ATG10: variants seen among roughly 807,000 people sequenced by gnomAD.
ATG10 encodes the protein autophagy related 10, also known as ubiquitin-like-conjugating enzyme ATG10.
ATG10 carries 30 observed loss-of-function variants against 32.1 expected under a neutral mutation model. The observed-to-expected ratio is 0.94, with a 90% CI of 0.70 to 1.27. The LOEUF (loss-of-function observed/expected upper bound fraction) is 1.27. ATG10 is among the 50% of genes most tolerant of loss of function. The probability of loss-of-function intolerance (pLI) is 0.00; values close to 1 mark genes in which losing one functional copy is unlikely to be tolerated. For synonymous variants in ATG10, 87 were observed against 91.5 expected (o/e 0.95, Z 0.28); for missense variants, 233 against 262.3 (o/e 0.89, Z 0.77).
chr5:82,132,840 A>G (rs1160088985), intron 3 of ATG10, among the ~76,000 whole-genome samples: 1 of 152,062 alleles, frequency 6.6e-6, no homozygotes, highest in Non-Finnish European at 1.5e-5. Flanking sequence ...GGTTTAACTA[A>G]TTTACACTCC....
intron 2 of ATG10, among the ~76,000 whole-genome samples, chr5:82,012,416 G>A (rs982414621): frequency 2.6e-5 from 4 of 151,966 alleles, no homozygotes; most frequent in African/African-American, 7.3e-5. Flanking sequence ...TAGTTATTTG[G>A]TACTTTCTTT....
At chr5:81,974,829 C>G (rs1039653176) in intron 1 of ATG10, among the ~76,000 whole-genome samples, 2 of 152,212 alleles carry the variant, frequency 1.3e-5, no homozygotes, top group Non-Finnish European at 2.9e-5. Flanking sequence ...TCCCCAGATT[C>G]TCAATATCCC....
chr5:82,079,712 T>G (rs1239550300), intron 3 of ATG10, among the ~76,000 whole-genome samples: 1 of 152,206 alleles, frequency 6.6e-6, no homozygotes, highest in Non-Finnish European at 1.5e-5. Flanking sequence ...TTTTTATGGC[T>G]GCATAGTAAT....
At chr5:82,020,316 G>A (rs1762401423) in intron 2 of ATG10, among the ~76,000 whole-genome samples, 2 of 152,312 alleles carry the variant, frequency 1.3e-5, no homozygotes, top group South Asian at 4.1e-4. Flanking sequence ...AATTGATTTT[G>A]AGACAAGTCT....
chr5:81,974,031 G>C (rs1239967219), intron 1 of ATG10, among the ~76,000 whole-genome samples: 2 of 152,174 alleles, frequency 1.3e-5, no homozygotes, highest in Non-Finnish European at 2.9e-5. Flanking sequence ...GTCGACAGTA[G>C]TTCCTGATGC....
intron 5 of ATG10, among the ~76,000 whole-genome samples, chr5:82,216,208 C>G (rs1745673340): frequency 6.6e-6 from 1 of 152,104 alleles, no homozygotes; most frequent in African/African-American, 2.4e-5. Context: ...AGATATGTCC[C>G]CACTGCTTAT....
intron 5 of ATG10, among the ~76,000 whole-genome samples, chr5:82,190,840 G>T (rs1256665030): frequency 7.1e-6 from 1 of 139,882 alleles, no homozygotes; most frequent in African/African-American, 2.6e-5. Flanking sequence ...GGTCGTAATT[G>T]TTTTAACCAA....
At chr5:82,061,894 G>A (rs964847670) in intron 3 of ATG10, among the ~76,000 whole-genome samples, 11 of 131,196 alleles carry the variant, frequency 8.4e-5, no homozygotes, top group African/African-American at 2.9e-4. Context: ...GGCACAGTCA[G>A]TCATAGCTCA....
In ATG10 at chr5:82,098,491, A is replaced by G. The variant is rs1385938372; in HGVS notation, c.216+39889A>G. Among the ~76,000 whole-genome samples, 5 of 151,694 alleles carry G rather than the reference A, an allele frequency of 3.3e-5. No homozygotes were observed. In the East Asian group the frequency reaches 7.8e-4, roughly 24 times the overall value. ...ACGCCCTGCTAATTTTTGTTTTTTTAGTAGAGATGCGGTTTCACCATCTTG... is the reference window on the plus strand; with the variant it reads ...ACGCCCTGCTAATTTTTGTTTTTTTGGTAGAGATGCGGTTTCACCATCTTG... On this transcript the variant is annotated intron_variant, in intron 3 of 7. Coordinates refer to ENST00000282185, the MANE Select transcript of ATG10 (RefSeq NM_031482.5).
At chr5:82,101,389 G>A (rs1341635185) in intron 3 of ATG10, among the ~76,000 whole-genome samples, 1 of 152,088 alleles carries the variant, frequency 6.6e-6, no homozygotes, top group Non-Finnish European at 1.5e-5. Flanking sequence ...TTTAAAGAAG[G>A]CTTTCCAGAA....
intron 4 of ATG10, among the ~76,000 whole-genome samples, chr5:82,177,349 T>C (rs143695782): frequency 2.6e-4 from 39 of 152,314 alleles, no homozygotes; most frequent in Middle Eastern, 3.4e-3. Context: ...TTTCTACTTA[T>C]ACTTGAAAGT....
chr5:82,214,205 A>G (rs1745592574), intron 5 of ATG10, among the ~76,000 whole-genome samples: 1 of 152,214 alleles, frequency 6.6e-6, no homozygotes, highest in Non-Finnish European at 1.5e-5. Context: ...ATAATCACAA[A>G]TATTTAAATA....
chr5:81,986,569 C>T (rs1761280816), intron 1 of ATG10, among the ~76,000 whole-genome samples: 1 of 151,838 alleles, frequency 6.6e-6, no homozygotes, highest in African/African-American at 2.4e-5. Context: ...ATAGATTATA[C>T]TGAATTTGAA....
chr5:82,010,025 C>T, intron 2 of ATG10: 1 of 1,610,136 alleles, frequency 6.2e-7, no homozygotes, highest in Non-Finnish European at 8.5e-7. Flanking sequence ...CAGCTAACAG[C>T]TCAAAGGAGA....
chr5:82,241,331 T>C (rs1746794185), intron 5 of ATG10, among the ~76,000 whole-genome samples: 1 of 152,242 alleles, frequency 6.6e-6, no homozygotes, highest in African/African-American at 2.4e-5. Context: ...AACTGCTCTT[T>C]CTGCTTTCCC....
At chr5:82,085,628 T>TA (rs1257353067) in intron 3 of ATG10, among the ~76,000 whole-genome samples, 1 of 151,160 alleles carries the variant, frequency 6.6e-6, no homozygotes, top group Non-Finnish European at 1.5e-5. Context: ...CCCTAGAACT[T>TA]AAAGTATAAC....
intron 3 of ATG10, among the ~76,000 whole-genome samples, chr5:82,128,404 A>G (rs1766370208): frequency 6.6e-6 from 1 of 151,946 alleles, no homozygotes; most frequent in Admixed American, 6.6e-5. Context: ...ACAATTTTGT[A>G]TGTTTTTGCA....
intron 3 of ATG10, among the ~76,000 whole-genome samples, chr5:82,154,487 TA>T (rs1318068811): frequency 2.0e-5 from 3 of 152,236 alleles, no homozygotes; most frequent in Non-Finnish European, 2.9e-5. Context: ...TGCCTTTATT[TA>T]ACAAGTGAAG....
intron 5 of ATG10, among the ~76,000 whole-genome samples, chr5:82,223,825 T>C (rs1013792834): frequency 1.3e-5 from 2 of 152,080 alleles, no homozygotes; most frequent in African/African-American, 4.8e-5. Context: ...TCTAGAAAGA[T>C]TTGAGAATGA....
Sources: allele counts gnomAD v4.1 joint callset (sites outside exome capture counted in the v4.1 genomes callset), GRCh38; gene constraint gnomAD v4.1.1; transcripts MANE v1.5; gene names NCBI Gene and HGNC (gene_info 2026-07-23, HGNC 2026-07-21).